Variants in SMARCB1 observed in about 807,000 individuals in gnomAD.
SMARCB1 encodes the protein SWI/SNF-related matrix-associated actin-dependent regulator of chromatin subfamily B member 1.
SMARCB1 carries 5 observed loss-of-function variants against 49.0 expected under a neutral mutation model. The ratio of observed to expected loss-of-function variants is 0.10; its 90% CI spans 0.05 to 0.21. The LOEUF (loss-of-function observed/expected upper bound fraction) is 0.21. SMARCB1 is among the 10% of genes least tolerant of loss of function. SMARCB1 has a pLI of 1.00. For missense variants in SMARCB1, 226 were observed against 509.2 expected (o/e 0.44, Z 5.35); for synonymous variants, 201 against 200.1 (o/e 1.00, Z -0.04).
intron 6 of SMARCB1, among the ~76,000 whole-genome samples, chr22:23,822,632 C>G (rs1457390552): frequency 6.6e-6 from 1 of 152,262 alleles, no homozygotes; most frequent in Admixed American, 6.5e-5. Context: ...CTGCTCTCTG[C>G]TACAGTCCCT....
In SMARCB1 at chr22:23,837,224, C is replaced by T. The variant is rs1325782007; in HGVS notation, c.*3044C>T. 4 of 1,569,546 alleles carry T rather than the reference C, an allele frequency of 2.5e-6. No homozygotes were observed. The Admixed American group carries it at 5.7e-5, about 23-fold the overall frequency. On this transcript the variant is annotated 3_prime_UTR_variant, in exon 9 of 9. Coordinates refer to ENST00000644036, the MANE Select transcript of SMARCB1 (RefSeq NM_003073.5). ...AGTCCTAGACCAGCAGAGCCTGCCC[C>T]AGGCCCCCATCCACAGCCTGGTGGC...
At chr22:23,807,040 T>C (rs1177022705) in intron 5 of SMARCB1, among the ~76,000 whole-genome samples, 1 of 151,550 alleles carries the variant, frequency 6.6e-6, no homozygotes, top group Admixed American at 6.6e-5. Flanking sequence ...GAATCACTGG[T>C]GATGTATGGT....
intron 7 of SMARCB1, among the ~76,000 whole-genome samples, chr22:23,832,335 T>A (rs576127032): frequency 6.6e-6 from 1 of 152,178 alleles, no homozygotes; most frequent in Admixed American, 6.5e-5. Context: ...AATAAATGTT[T>A]CCATATTCCA....
chr22:23,821,958 C>T (rs9612466), intron 6 of SMARCB1, among the ~76,000 whole-genome samples: 18,835 of 152,204 alleles, frequency 0.12, 1,249 homozygotes, highest in South Asian at 0.27. Flanking sequence ...CCACCTTGGC[C>T]TCCCAAACTG....
rs142310756 is a variant in SMARCB1 at position 23,837,693 on chromosome 22, C to T, written c.*3513C>T. The T allele has an allele frequency of 7.4e-6, 12 of 1,613,662 alleles. No homozygotes were observed. Among genetic ancestry groups the T allele is most frequent in the East Asian group, 2.2e-5 (1 of 44,902 alleles). ...CCACGAGGATGGAGTTGCCCAGCAG[C>T]AGCGAGAAGCCCATGAGCGCCCAAG... On this transcript the variant is annotated 3_prime_UTR_variant, in exon 9 of 9. Transcript: ENST00000644036.
intron 7 of SMARCB1, among the ~76,000 whole-genome samples, chr22:23,832,192 C>T (rs1365090243): frequency 9.8e-6 from 1 of 102,466 alleles, no homozygotes; most frequent in Non-Finnish European, 2.0e-5. Context: ...GCTCTGCAAG[C>T]AGGCTGGTCC....
Position 23,836,624 on chromosome 22 carries a change from T to C in SMARCB1, c.*2444T>C, listed in dbSNP as rs963308635. The stretch of plus-strand genomic sequence containing the variant: ...TTTCTTTGCCCTCTGTGGGCACCCC[T>C]ATCCTACCACCTGCAGTTGGGCTGA... On this transcript the variant is annotated 3_prime_UTR_variant, in exon 9 of 9. Coordinates refer to ENST00000644036, the MANE Select transcript of SMARCB1 (RefSeq NM_003073.5). 2 of 1,230,734 alleles carry C rather than the reference T, an allele frequency of 1.6e-6. No individual in the cohort carries two copies. The highest frequency in any genetic ancestry group is 8.6e-5 in the Admixed American group (2 of 23,278). 76.2% of individuals were successfully genotyped at this position (1,230,734 alleles called of 1,614,324 possible). A position where few individuals can be genotyped will look rare whatever the true frequency, so the allele number is the denominator to read the frequency against.
rs1311972935 is a variant in SMARCB1 at position 23,833,620 on chromosome 22, T to C, written c.1035T>C (p.Asp345=). ...TVEIAIRNTG[D]ADQWCPLLET... ...AGATTGCCATCCGGAACACGGGCGA[T>C]GCGGACCAGTGGTGCCCACTGCTGG... Residue 345 remains aspartate, a synonymous_variant, in exon 8 of 9, where the codon GAT becomes GAC. Transcript: ENST00000644036. The C allele has an allele frequency of 2.5e-6, 4 of 1,614,174 alleles. No individual in the cohort carries two copies. The highest frequency in any genetic ancestry group is 2.2e-5 in the South Asian group (2 of 91,082).
intron 5 of SMARCB1, chr22:23,816,212 C>T (rs1930187816): frequency 5.6e-6 from 1 of 178,086 alleles, no homozygotes; most frequent in African/African-American, 2.4e-5. Context: ...TGTGAGCTCC[C>T]ATCTGGTACA....
Position 23,816,660 on chromosome 22 carries a change from C to A in SMARCB1, c.629-110C>A. ...GGCCACCCCCAGTGCCCTGGTTGTC[C>A]TCTCCTGCATCCGGAGATGTTTGGC... On this transcript the variant is annotated intron_variant, in intron 5 of 8. Coordinates refer to ENST00000644036, the MANE Select transcript of SMARCB1 (RefSeq NM_003073.5). 2.8e-6 allele frequency: 3 copies of A among 1,057,082 alleles called. No homozygotes were observed. In the East Asian group the frequency reaches 7.1e-5, roughly 25 times the overall value. The allele number at this position is 1,057,082 out of a possible 1,614,324, so 65.5% of individuals were successfully genotyped here. A position where few individuals can be genotyped will look rare whatever the true frequency, so the allele number is the denominator to read the frequency against.
At chr22:23,799,759 A>T (rs889820133) in intron 3 of SMARCB1, among the ~76,000 whole-genome samples, 22 of 135,772 alleles carry the variant, frequency 1.6e-4, no homozygotes, top group African/African-American at 6.0e-4. Flanking sequence ...ATGTTGGCTC[A>T]CTGCAAGCTC....
At position 23,834,684 on chromosome 22, in the gene SMARCB1, G is replaced by T; in HGVS notation, c.*504G>T. 8.3e-7 allele frequency: 1 copy of T among 1,207,252 alleles called. No homozygotes were observed. The highest frequency in any genetic ancestry group is 1.5e-5 in the South Asian group (1 of 65,744). 74.8% of individuals were successfully genotyped at this position (1,207,252 alleles called of 1,614,324 possible). A position where few individuals can be genotyped will look rare whatever the true frequency, so the allele number is the denominator to read the frequency against. ...GGCAGGTGGGGGTGAATGGGGCTCC[G>T]GGTAGCACCTCAGCTCCTCTCAGCT... On this transcript the variant is annotated 3_prime_UTR_variant, in exon 9 of 9. Coordinates refer to ENST00000644036, the MANE Select transcript of SMARCB1 (RefSeq NM_003073.5).
At chr22:23,793,814 TCTTGTC>T (rs1928567592) in intron 3 of SMARCB1, 126 bp downstream of exon 3, 2 of 1,003,074 alleles carry the variant, frequency 2.0e-6, no homozygotes, top group African/African-American at 1.6e-5. Context: ...GGAATCTTGT[TCTTGTC>T]GCCCAGGCTG....
rs34572406 is a variant in SMARCB1 at position 23,813,343 on chromosome 22, C to T, written c.629-3427C>T. On this transcript the variant is annotated intron_variant, in intron 5 of 8. Coordinates refer to ENST00000644036, the MANE Select transcript of SMARCB1 (RefSeq NM_003073.5). ...AGATTGGAAAGGAAGAAATAAAATC[C>T]TATTTGCAGATGACATGATTGTCCG... 6.6e-5 allele frequency among the ~76,000 whole-genome samples: 10 copies of T among 150,396 alleles called. No homozygotes were observed. The East Asian group carries it at 2.0e-3, about 30-fold the overall frequency.
At chr22:23,816,355 C>T (rs1169081118) in intron 5 of SMARCB1, 1 of 331,180 alleles carries the variant, frequency 3.0e-6, no homozygotes, top group African/African-American at 2.1e-5. Flanking sequence ...TCACATGAGG[C>T]CTGGTATTGG....
chr22:23,796,427 C>T (rs993441183), intron 3 of SMARCB1, among the ~76,000 whole-genome samples: 13 of 152,274 alleles, frequency 8.5e-5, no homozygotes, highest in African/African-American at 2.6e-4. Flanking sequence ...CAAGATTGTA[C>T]CCATCTACCT....
intron 7 of SMARCB1, 66 bp downstream of exon 7, chr22:23,825,481 CTGTG>C (rs1195613023): frequency 7.1e-7 from 1 of 1,409,796 alleles, no homozygotes; most frequent in Non-Finnish European, 9.9e-7. Context: ...AAAGACTTCT[CTGTG>C]TGAGCGGTGA....
intron 5 of SMARCB1, among the ~76,000 whole-genome samples, chr22:23,805,260 C>G (rs957330234): frequency 1.3e-5 from 2 of 152,104 alleles, no homozygotes; most frequent in Non-Finnish European, 2.9e-5. Flanking sequence ...TGAGGGAGGA[C>G]ACTGGCAAGA....
Position 23,834,170 on chromosome 22 carries a change from C to T in SMARCB1, c.1148C>T (p.Pro383Leu), listed in dbSNP as rs2146045242. 6.3e-7 allele frequency: 1 copy of T among 1,592,504 alleles called. No individual in the cohort carries two copies. Among genetic ancestry groups the T allele is most frequent in the Non-Finnish European group, 8.5e-7 (1 of 1,169,832 alleles). The change falls in exon 9 of 9, where the codon CCG becomes CTG. Residue 383 changes from proline to leucine, a missense_variant. By Grantham distance (98) the Pro-to-Leu change is moderately conservative (BLOSUM62 -3). Coordinates refer to ENST00000644036, the MANE Select transcript of SMARCB1 (RefSeq NM_003073.5). ...ATGAGGCGTCTTGCCAACACGGCCC[C>T]GGCCTGGTAACCAGCCCATCAGCAC... ...RRMRRLANTAPAW is the reference protein window; with the variant it reads ...RRMRRLANTALAW
Sources: gnomAD v4.1 joint callset for allele counts (sites outside exome capture counted in the v4.1 genomes callset) on GRCh38, gnomAD v4.1.1 for gene constraint, MANE v1.5 for transcripts, NCBI Gene and HGNC (gene_info 2026-07-23, HGNC 2026-07-21) for gene names.